Variants in CENPQ observed in about 807,000 individuals in gnomAD.
The protein encoded by CENPQ is chromosome 6 open reading frame 139.
A neutral mutation model predicts 36.6 loss-of-function variants in CENPQ; 27 were observed. That is an observed-to-expected ratio of 0.74 (90% confidence interval 0.54 to 1.02). The LOEUF is 1.02. Among genes scored for constraint, CENPQ ranks in the 50% least tolerant of loss-of-function variants. The pLI, the probability that CENPQ is intolerant of heterozygous loss-of-function variation, is 0.00. For missense variants in CENPQ, 306 were observed against 301.8 expected (o/e 1.01, Z -0.10); for synonymous variants, 101 against 101.7 (o/e 0.99, Z 0.04).
At chr6:49,486,072 A>C (rs1768571936) in intron 6 of CENPQ, among the ~76,000 whole-genome samples, 1 of 152,190 alleles carries the variant, frequency 6.6e-6, no homozygotes, top group Non-Finnish European at 1.5e-5. Context: ...TTCTTATAAA[A>C]GACAAGAGAA....
intron 3 of CENPQ, among the ~76,000 whole-genome samples, chr6:49,471,663 A>G (rs1037419896): frequency 6.6e-6 from 1 of 152,130 alleles, no homozygotes; most frequent in Non-Finnish European, 1.5e-5. Context: ...CCAACAGCAT[A>G]GTTGACACTA....
At chr6:49,473,753 T>C (rs1317839428) in intron 5 of CENPQ, among the ~76,000 whole-genome samples, 1 of 152,016 alleles carries the variant, frequency 6.6e-6, no homozygotes, top group African/African-American at 2.4e-5. Context: ...AACCCATCAG[T>C]GTGCTGTATT....
At chr6:49,464,517 T>C (rs1267874760) in intron 1 of CENPQ, among the ~76,000 whole-genome samples, 1 of 152,246 alleles carries the variant, frequency 6.6e-6, no homozygotes, top group African/African-American at 2.4e-5. Context: ...CTGTAGCATG[T>C]GATGCTGTTT....
At chr6:49,490,005 AGTG>A (rs1440158122) in intron 8 of CENPQ, among the ~76,000 whole-genome samples, 1 of 152,240 alleles carries the variant, frequency 6.6e-6, no homozygotes, top group African/African-American at 2.4e-5. Context: ...CAGAATGATC[AGTG>A]AGCATTGGCT....
chr6:49,487,454 T>TAAAAAAA (rs759527083), intron 6 of CENPQ, among the ~76,000 whole-genome samples: 4 of 93,282 alleles, frequency 4.3e-5, no homozygotes, highest in East Asian at 4.0e-4. Context: ...TACCCTTTCT[T>TAAAAAAA]AAAAAAAAAA....
intron 5 of CENPQ, among the ~76,000 whole-genome samples, chr6:49,473,875 T>G (rs1044044228): frequency 6.6e-6 from 1 of 152,116 alleles, no homozygotes; most frequent in Non-Finnish European, 1.5e-5. Flanking sequence ...AATCCTAGTC[T>G]CTGATAAAAC....
intron 3 of CENPQ, 58 bp from the exon 4 acceptor site, chr6:49,472,005 A>T: frequency 6.6e-7 from 1 of 1,509,642 alleles, no homozygotes; most frequent in Non-Finnish European, 8.9e-7. Flanking sequence ...TTCCATTTTT[A>T]AGCAAAAACA....
intron 5 of CENPQ, among the ~76,000 whole-genome samples, chr6:49,480,044 A>AAAT (rs1249207189): frequency 6.6e-6 from 1 of 152,190 alleles, no homozygotes; most frequent in Non-Finnish European, 1.5e-5. Context: ...TCTGTACACC[A>AAAT]AAGCCCCACA....
intron 5 of CENPQ, among the ~76,000 whole-genome samples, chr6:49,476,119 A>T (rs1768282804): frequency 6.6e-6 from 1 of 152,138 alleles, no homozygotes; most frequent in Admixed American, 6.5e-5. Flanking sequence ...TTGCCAAGAC[A>T]ATCCTAAGCA....
chr6:49,473,214 T>A (rs1350212029), intron 5 of CENPQ, among the ~76,000 whole-genome samples: 2 of 152,192 alleles, frequency 1.3e-5, no homozygotes, highest in Non-Finnish European at 2.9e-5. Flanking sequence ...TTTACCCTAT[T>A]GCTGTGTTTT....
intron 1 of CENPQ, among the ~76,000 whole-genome samples, chr6:49,467,575 G>A (rs903752286): frequency 6.6e-6 from 1 of 152,166 alleles, no homozygotes; most frequent in African/African-American, 2.4e-5. Context: ...AAGGTTCAAT[G>A]TGCATAAAAT....
rs1296423683 is a variant in CENPQ, at chr6:49,480,968, A to G, written c.365A>G (p.Glu122Gly). 2 of 1,602,220 alleles carry G rather than the reference A, an allele frequency of 1.2e-6. No individual in the cohort carries two copies. The highest frequency in any genetic ancestry group is 2.3e-5 in the South Asian group (2 of 88,802). ...FLKKRLLQQC[E>G]TLKVPPKKME... is the part of the protein sequence containing the mutation. ...TCCTTAAGATTGCTACAACAGTGTG[A>G]AACTCTGAAAGTCCCTCCCAAAAAG... Residue 122 changes from glutamate (E) to glycine (G), a missense_variant, in exon 6 of 9, where the codon GAA (glutamate) becomes GGA (glycine). By Grantham distance (98) the Glu-to-Gly change is moderately conservative. Transcript: ENST00000335783.
rs1468724274 is a variant in CENPQ at position 49,488,649 on chromosome 6, C to T, written c.640C>T (p.Leu214Phe). 1.2e-6 allele frequency: 2 copies of T among 1,613,574 alleles called. No individual in the cohort carries two copies. Among genetic ancestry groups the T allele is most frequent in the Non-Finnish European group, 1.7e-6 (2 of 1,179,616 alleles). The part of the protein sequence containing the change: ...NSSGVLSLPE[L>F]SQKTLKAPTL... ...TAGTGGAGTACTCTCTCTTCCGGAA[C>T]TTTCTCAGAAAACTCTCAAAGCACC... Residue 214 changes from leucine to phenylalanine, a missense_variant, in exon 8 of 9, where the codon CTT (leucine) becomes TTT (phenylalanine). Coordinates refer to ENST00000335783, the MANE Select transcript of CENPQ (RefSeq NM_018132.4).
At chr6:49,485,286 A>G (rs560170965) in intron 6 of CENPQ, among the ~76,000 whole-genome samples, 34 of 152,346 alleles carry the variant, frequency 2.2e-4, no homozygotes, top group African/African-American at 6.3e-4. Flanking sequence ...TAACATTTTC[A>G]TCGTGCTCTC....
intron 4 of CENPQ, 24 bp downstream of exon 4, chr6:49,472,207 C>A: frequency 6.4e-7 from 1 of 1,568,422 alleles, no homozygotes; most frequent in Non-Finnish European, 8.6e-7. Flanking sequence ...TGTTCCATTT[C>A]ATTCTTTTGG....
chr6:49,481,415 C>T (rs1265232130), intron 6 of CENPQ, among the ~76,000 whole-genome samples: 2 of 152,036 alleles, frequency 1.3e-5, no homozygotes, highest in African/African-American at 4.8e-5. Context: ...ATTTGTTCCT[C>T]CCGGTGGGTT....
intron 1 of CENPQ, 71 bp from the exon 2 acceptor site, chr6:49,470,087 AC>A: frequency 1.4e-6 from 1 of 694,888 alleles, no homozygotes; most frequent in South Asian, 1.9e-5. Context: ...AGTTTTTTAA[AC>A]AAAACATTGT....
chr6:49,472,299 C>T (rs146013615), intron 4 of CENPQ, 116 bp downstream of exon 4: 32 of 837,406 alleles, frequency 3.8e-5, no homozygotes, highest in East Asian at 1.9e-4. Flanking sequence ...ATTTCTATTT[C>T]GGAAGCAGAT....
At chr6:49,482,795 C>G (rs1489870721) in intron 6 of CENPQ, among the ~76,000 whole-genome samples, 1 of 151,954 alleles carries the variant, frequency 6.6e-6, no homozygotes, top group Non-Finnish European at 1.5e-5. Flanking sequence ...AGCCACAGAC[C>G]CTCGTGGTGA....
Sources: gnomAD v4.1 joint callset for allele counts (sites outside exome capture counted in the v4.1 genomes callset) on GRCh38, gnomAD v4.1.1 for gene constraint, MANE v1.5 for transcripts, NCBI Gene and HGNC (gene_info 2026-07-23, HGNC 2026-07-21) for gene names.